The following SNTG2 variants were observed in gnomAD, a reference collection of about 807,000 sequenced individuals.
SNTG2 encodes gamma-2-syntrophin.
Under a neutral mutation model 70.9 loss-of-function variants are expected in SNTG2, and 74 were observed. The observed-to-expected ratio is 1.04, with a 90% CI of 0.86 to 1.27. The LOEUF is 1.27. Ranked by LOEUF, SNTG2 falls within the 50% of genes most tolerant of loss-of-function variation. The pLI, the probability that SNTG2 is intolerant of heterozygous loss-of-function variation, is 0.00. For synonymous variants in SNTG2, 278 were observed against 273.8 expected, an observed-to-expected ratio of 1.02 and a Z score of -0.15; for missense variants, 717 against 690.7, an observed-to-expected ratio of 1.04 and a Z score of -0.43.
intron 1 of SNTG2, among the ~76,000 whole-genome samples, chr2:1,075,401 A>G (rs1448331052): frequency 6.6e-6 from 1 of 152,204 alleles, no homozygotes; most frequent in Admixed American, 6.5e-5. Context: ...CTAAACTTCA[A>G]ACTCTTAACT....
intron 1 of SNTG2, among the ~76,000 whole-genome samples, chr2:1,067,487 A>C (rs57763330): frequency 0.05 from 7,559 of 152,294 alleles, 462 homozygotes; most frequent in African/African-American, 0.14. Flanking sequence ...TTTTTGTAAA[A>C]TCAGTTAATA....
At chr2:988,098 C>T (rs992740843) in intron 1 of SNTG2, among the ~76,000 whole-genome samples, 7 of 152,352 alleles carry the variant, frequency 4.6e-5, no homozygotes, top group African/African-American at 1.2e-4. Context: ...ACTGACTTTC[C>T]GTTCCTTTAA....
chr2:1,185,328 T>C (rs1672179355), intron 8 of SNTG2, among the ~76,000 whole-genome samples: 2 of 152,152 alleles, frequency 1.3e-5, no homozygotes, highest in Non-Finnish European at 2.9e-5. Context: ...AGTAGATCTA[T>C]CATTCTGGGG....
intron 12 of SNTG2, among the ~76,000 whole-genome samples, chr2:1,253,353 G>C (rs1247382115): frequency 7.7e-6 from 1 of 130,582 alleles, no homozygotes. Flanking sequence ...GGCCATCCGT[G>C]TAAATGTCCC....
chr2:1,225,564 G>C lies in SNTG2; in HGVS notation c.720-12324G>C, dbSNP rs1212040348. On this transcript the variant is annotated intron_variant, in intron 9 of 16. Coordinates refer to ENST00000308624, the MANE Select transcript of SNTG2 (RefSeq NM_018968.4). Reference sequence around the variant, plus strand: ...CGGCTTTTACTGCTTTTGTGGTTCTGTAAAGTCCGTAGCTTACGGTTGGCA... The same window carrying C: ...CGGCTTTTACTGCTTTTGTGGTTCTCTAAAGTCCGTAGCTTACGGTTGGCA... Among the ~76,000 whole-genome samples the C allele has an allele frequency of 5.3e-5, 8 of 152,166 alleles. No homozygotes were observed. The East Asian group carries it at 1.5e-3, about 29-fold the overall frequency.
At chr2:1,265,713 C>T (rs1023396371) in intron 13 of SNTG2, among the ~76,000 whole-genome samples, 9 of 152,220 alleles carry the variant, frequency 5.9e-5, no homozygotes. Context: ...GGACCTTGAG[C>T]GTAAGTGTGA....
At chr2:1,122,723 A>C (rs1433100968) in intron 4 of SNTG2, among the ~76,000 whole-genome samples, 3 of 24,512 alleles carry the variant, frequency 1.2e-4, no homozygotes, top group Non-Finnish European at 1.3e-4. Context: ...GCAATCAGAC[A>C]AAAAAAAAAA....
intron 14 of SNTG2, among the ~76,000 whole-genome samples, chr2:1,281,853 C>T (rs114511405): frequency 2.2e-3 from 341 of 152,256 alleles, no homozygotes; most frequent in Middle Eastern, 6.8e-3. Flanking sequence ...AAGCACCCCA[C>T]ACATCTGTGG....
chr2:1,091,036 C>A (rs775963201), intron 2 of SNTG2, among the ~76,000 whole-genome samples: 1 of 152,186 alleles, frequency 6.6e-6, no homozygotes, highest in African/African-American at 2.4e-5. Context: ...GGTCGCCTGA[C>A]GTTCTGGGGC....
chr2:1,322,394 C>A (rs1391431298), intron 16 of SNTG2, among the ~76,000 whole-genome samples: 2 of 152,160 alleles, frequency 1.3e-5, no homozygotes, highest in African/African-American at 4.8e-5. Flanking sequence ...CCCCAGAAAC[C>A]AGGTCAGGTG....
intron 6 of SNTG2, among the ~76,000 whole-genome samples, chr2:1,142,175 G>A (rs775827523): frequency 5.3e-5 from 8 of 152,320 alleles, no homozygotes; most frequent in Admixed American, 1.3e-4. Context: ...CTGACCTGGA[G>A]ATTTTTCACC....
At chr2:1,336,787 T>C (rs1659840200) in intron 16 of SNTG2, among the ~76,000 whole-genome samples, 1 of 152,142 alleles carries the variant, frequency 6.6e-6, no homozygotes, top group Non-Finnish European at 1.5e-5. Context: ...GGATTTATCT[T>C]TGGGGTCTCA....
At chr2:1,049,534 C>G (rs935940373) in intron 1 of SNTG2, among the ~76,000 whole-genome samples, 6 of 152,214 alleles carry the variant, frequency 3.9e-5, no homozygotes, top group Non-Finnish European at 8.8e-5. Flanking sequence ...GGATAAATCA[C>G]TGTTTCTTCA....
At chr2:1,142,246 G>C (rs1267151019) in intron 6 of SNTG2, among the ~76,000 whole-genome samples, 1 of 152,192 alleles carries the variant, frequency 6.6e-6, no homozygotes, top group Non-Finnish European at 1.5e-5. Context: ...AGAGCTCCAT[G>C]ATCAATTAGC....
chr2:1,251,405 C>A (rs780672537), intron 12 of SNTG2, among the ~76,000 whole-genome samples: 2 of 151,910 alleles, frequency 1.3e-5, no homozygotes, highest in African/African-American at 2.4e-5. Flanking sequence ...AGGAAGCTCA[C>A]ATAGACCCAC....
At chr2:1,306,600 G>A (rs1026759986) in intron 14 of SNTG2, among the ~76,000 whole-genome samples, 2 of 152,190 alleles carry the variant, frequency 1.3e-5, no homozygotes, top group Non-Finnish European at 2.9e-5. Context: ...GAGCGGAGCC[G>A]TGGCAGGACT....
chr2:1,052,100 T>C (rs1399198149), intron 1 of SNTG2, among the ~76,000 whole-genome samples: 5 of 152,180 alleles, frequency 3.3e-5, no homozygotes, highest in Non-Finnish European at 5.9e-5. Context: ...TTTACTTTAT[T>C]ATAACCTTCT....
intron 14 of SNTG2, among the ~76,000 whole-genome samples, chr2:1,303,638 A>T (rs995334641): frequency 6.6e-6 from 1 of 152,172 alleles, no homozygotes; most frequent in East Asian, 1.9e-4. Flanking sequence ...AAAAACAGAA[A>T]AACAGAAGAG....
chr2:1,275,541 C>A (rs528481152), intron 14 of SNTG2, among the ~76,000 whole-genome samples: 33 of 152,318 alleles, frequency 2.2e-4, no homozygotes, highest in African/African-American at 7.5e-4. Context: ...TATAACATGA[C>A]AAACTTAATC....
Sources: allele counts gnomAD v4.1 joint callset (sites outside exome capture counted in the v4.1 genomes callset), GRCh38; gene constraint gnomAD v4.1.1; transcripts MANE v1.5; gene names NCBI Gene and HGNC (gene_info 2026-07-23, HGNC 2026-07-21).